Variants in ATM observed in about 807,000 individuals in gnomAD.
ATM encodes the protein ATM serine/threonine kinase.
A neutral mutation model predicts 387.0 loss-of-function variants in ATM; 308 were observed. The observed-to-expected ratio is 0.80, with a 90% CI of 0.73 to 0.87. The LOEUF (loss-of-function observed/expected upper bound fraction) is 0.87, where lower values mean the gene tolerates loss of function less well. ATM is among the 40% of genes least tolerant of loss of function. The pLI, the probability that ATM is intolerant of heterozygous loss-of-function variation, is 0.00. For missense variants in ATM, 3,312 were observed against 3,560.9 expected (o/e 0.93, Z 1.78); for synonymous variants, 1,156 against 1,187.3 (o/e 0.97, Z 0.54).
intron 45 of ATM, among the ~76,000 whole-genome samples, chr11:108,323,742 G>A (rs1462043694): frequency 1.3e-5 from 2 of 152,180 alleles, no homozygotes; most frequent in Non-Finnish European, 2.9e-5. Flanking sequence ...TAATCTGGCT[G>A]TTTCTTTGGT....
At position 108,321,378 on chromosome 11, in the gene ATM, A is replaced by G. The variant is rs1060501573; in HGVS notation, c.6530A>G (p.Gln2177Arg). 6.2e-7 allele frequency: 1 copy of G among 1,614,228 alleles called. No individual in the cohort carries two copies. Among genetic ancestry groups the G allele is most frequent in the Non-Finnish European group, 8.5e-7 (1 of 1,180,040 alleles). ...YSLYPTLSRL[Q>R]AIGELESIGE... Reference sequence around the variant, plus strand: ...CTCTATCCCACACTTAGCAGGTTGCAGGCCATTGGAGAGCTGGAAAGCATT... The same window carrying G: ...CTCTATCCCACACTTAGCAGGTTGCGGGCCATTGGAGAGCTGGAAAGCATT... Residue 2177 changes from glutamine (Q) to arginine (R), a missense_variant, in exon 45 of 63, where the codon CAG (glutamine) becomes CGG (arginine). Physicochemically the swap from Gln to Arg is conservative, Grantham distance 43. This residue lies in a region of ATM where 1,405 missense variants were observed against 1,604.4 expected (regional missense o/e 0.88). Coordinates refer to ENST00000675843, the MANE Select transcript of ATM (RefSeq NM_000051.4).
In ATM at chr11:108,289,623, C is replaced by T. The variant is rs1800058; in HGVS notation, c.4258C>T (p.Leu1420Phe). The T allele has an allele frequency of 0.016, 26,056 of 1,605,174 alleles. 265 individuals carry two copies. Among genetic ancestry groups the T allele is most frequent in the Non-Finnish European group, 0.02 (23,275 of 1,176,082 alleles). The change falls in exon 29 of 63, where the codon CTT (leucine) becomes TTT (phenylalanine). Residue 1420 changes from leucine (L) to phenylalanine (F), a missense_variant. Coordinates refer to ENST00000675843, the MANE Select transcript of ATM (RefSeq NM_000051.4). ...CTAGGATTCCTATCAGAAAATTCTT[C>T]TTGCCATATGTGAGCAAGCAGCTGA... ...KSPDSYQKILLAICEQAAETN... is the reference protein window; with the variant it reads ...KSPDSYQKILFAICEQAAETN...
chr11:108,271,749 A>T (rs969152578), intron 20 of ATM, among the ~76,000 whole-genome samples: 3 of 152,246 alleles, frequency 2.0e-5, no homozygotes, highest in Non-Finnish European at 4.4e-5. Context: ...TGGTTATTTT[A>T]TGCATATTGT....
intron 17 of ATM, 50 bp downstream of exon 17, chr11:108,267,392 T>G (rs1316178389): frequency 5.8e-6 from 9 of 1,564,134 alleles, no homozygotes; most frequent in Non-Finnish European, 7.0e-6. Flanking sequence ...TTATATTGAT[T>G]TGGCAGTATA....
At chr11:108,278,716 G>A (rs1323374949) in intron 22 of ATM, among the ~76,000 whole-genome samples, 1 of 152,088 alleles carries the variant, frequency 6.6e-6, no homozygotes, top group East Asian at 1.9e-4. Context: ...TTAATAACCA[G>A]CCCTTGTGGG....
In ATM at chr11:108,293,877, CAAAAAA is replaced by C. The variant is rs33977155; in HGVS notation, c.4776+413_4776+418del. 8.3e-4 allele frequency among the ~76,000 whole-genome samples: 88 copies of C among 106,116 alleles called. 1 individual carries two copies. The highest frequency in any genetic ancestry group is 5.6e-3 in the Middle Eastern group (1 of 180). The allele number at this position is 106,116 out of a possible 152,430, so 69.6% of individuals were successfully genotyped here. A position where few individuals can be genotyped will look rare whatever the true frequency, so the allele number is the denominator to read the frequency against. ...TGGATGACAGAGTGAGACCCTGTCT[CAAAAAA>C]AAAAAAAAAAAATATATATATATAT... On this transcript the variant is annotated intron_variant, in intron 31 of 62. Transcript: ENST00000675843.
chr11:108,357,045 C>T (rs1488290357), intron 61 of ATM, among the ~76,000 whole-genome samples: 2 of 152,220 alleles, frequency 1.3e-5, no homozygotes, highest in South Asian at 2.1e-4. Context: ...AGGTTCATCT[C>T]ACTAGGGAGC....
chr11:108,227,607 G>C lies in ATM; in HGVS notation c.-18G>C, dbSNP rs374303671. The C allele has an allele frequency of 6.2e-7, 1 of 1,610,616 alleles. No homozygotes were observed. Among genetic ancestry groups the C allele is most frequent in the Admixed American group, 1.7e-5 (1 of 59,984 alleles). ...ATTTTTTTTACAGACAGTGATGTGT[G>C]TTCTGAAATTGTGAACCATGAGTCT... On this transcript the variant is annotated 5_prime_UTR_variant, in exon 2 of 63. Coordinates refer to ENST00000675843, the MANE Select transcript of ATM (RefSeq NM_000051.4).
intron 1 of ATM, chr11:108,225,963 TAGG>T (rs2078716405): frequency 6.6e-6 from 1 of 152,090 alleles, no homozygotes; most frequent in African/African-American, 2.4e-5. Context: ...GATGGATGGA[TAGG>T]AGAAGGACTT....
At position 108,343,306 on chromosome 11, in the gene ATM, G is replaced by A. The variant is rs587782417; in HGVS notation, c.8353G>A (p.Asp2785Asn). The A allele has an allele frequency of 2.5e-6, 4 of 1,614,050 alleles. No homozygotes were observed. Among genetic ancestry groups the A allele is most frequent in the East Asian group, 2.2e-5 (1 of 44,884 alleles). ...PIGEFLVNNEDGAHKRYRPND... is the reference protein window; with the variant it reads ...PIGEFLVNNENGAHKRYRPND... ...TGGTGAATTTCTTGTTAACAATGAA[G>A]ATGGTGCTCATAAAAGATACAGGCC... The change falls in exon 57 of 63, where the codon GAT becomes AAT. Residue 2785 changes from aspartate (D) to asparagine (N), a missense_variant. Physicochemically the swap from Asp to Asn is conservative, Grantham distance 23 (BLOSUM62 1). This residue lies in a region of ATM where 1,405 missense variants were observed against 1,604.4 expected (regional missense o/e 0.88). Transcript: ENST00000675843.
At chr11:108,276,992 G>A (rs1263618686) in intron 22 of ATM, among the ~76,000 whole-genome samples, 1 of 152,168 alleles carries the variant, frequency 6.6e-6, no homozygotes, top group Non-Finnish European at 1.5e-5. Flanking sequence ...GGTGCTCTGT[G>A]TCAGGGAGAT....
intron 52 of ATM, 144 bp downstream of exon 52, chr11:108,332,181 A>C: frequency 9.4e-7 from 1 of 1,060,240 alleles, no homozygotes; most frequent in Non-Finnish European, 1.4e-6. Context: ...TAATCCCAGC[A>C]CTTTGGGAGG....
At chr11:108,284,692 A>T (rs191779390) in intron 26 of ATM, among the ~76,000 whole-genome samples, 1 of 152,312 alleles carries the variant, frequency 6.6e-6, no homozygotes, top group Non-Finnish European at 1.5e-5. Flanking sequence ...TAAATTAGAA[A>T]TAATCCAAAA....
chr11:108,252,434 G>A (rs1454050949), intron 11 of ATM, among the ~76,000 whole-genome samples: 5 of 152,136 alleles, frequency 3.3e-5, no homozygotes, highest in Admixed American at 2.6e-4. Flanking sequence ...AAAACAGGAT[G>A]TAAGCACTAG....
At chr11:108,329,557 G>A (rs571231870) in intron 49 of ATM, among the ~76,000 whole-genome samples, 2 of 152,040 alleles carry the variant, frequency 1.3e-5, no homozygotes, top group Non-Finnish European at 2.9e-5. Context: ...GGGGCTACAG[G>A]TGCACGCCAT....
chr11:108,365,277 G>A (rs750672018), intron 62 of ATM, 48 bp from the exon 63 acceptor site: 1 of 1,614,100 alleles, frequency 6.2e-7, no homozygotes, highest in South Asian at 1.1e-5. Context: ...TATTCCCAAG[G>A]CCTTTAAACT....
At chr11:108,231,609 T>C (rs1365519345) in intron 4 of ATM, 1 of 150,440 alleles carries the variant, frequency 6.6e-6, no homozygotes, top group Non-Finnish European at 1.5e-5. Flanking sequence ...GGCAGGAGAA[T>C]TGCTTGAACC....
Position 108,327,727 on chromosome 11 carries a change from C to G in ATM, c.7058C>G (p.Pro2353Arg), listed in dbSNP as rs2136377844. 2 of 1,613,942 alleles carry G rather than the reference C, an allele frequency of 1.2e-6. No individual in the cohort carries two copies. The highest frequency in any genetic ancestry group is 1.7e-6 in the Non-Finnish European group (2 of 1,179,902). The part of the protein sequence containing the change: ...NWLAETCLEN[P>R]AVIMQTYLEK... The stretch of plus-strand genomic sequence containing the variant: ...TTAGCAGAAACGTGCTTAGAAAATC[C>G]TGCGGTCATCATGCAGACCTATCTA... The change falls in exon 48 of 63, where the codon CCT (proline) becomes CGT (arginine). Residue 2353 changes from proline (P) to arginine (R), a missense_variant. Around this residue, in one of 4 missense-constraint regions of ATM, gnomAD observed 1,405 missense variants for 1,604.4 expected, o/e 0.88. Coordinates refer to ENST00000675843, the MANE Select transcript of ATM (RefSeq NM_000051.4).
In ATM at chr11:108,332,741, T is replaced by G. The variant is rs371070275; in HGVS notation, c.7789-21T>G. The G allele has an allele frequency of 1.4e-4, 221 of 1,608,390 alleles. No homozygotes were observed. The highest frequency in any genetic ancestry group is 1.7e-4 in the Non-Finnish European group (202 of 1,178,092). On this transcript the variant is annotated intron_variant, in intron 52 of 62. Coordinates refer to ENST00000675843, the MANE Select transcript of ATM (RefSeq NM_000051.4). ...ATGTTGGGTAGTTCCTTATGTAATG[T>G]TTTTTGTTTTTTATTAATAGGATCG...
Sources: gnomAD v4.1 joint callset for allele counts (sites outside exome capture counted in the v4.1 genomes callset) on GRCh38, gnomAD v4.1.1 for gene constraint, gnomAD v4.1.1 regional missense constraint, MANE v1.5 for transcripts, NCBI Gene and HGNC (gene_info 2026-07-23, HGNC 2026-07-21) for gene names.